The following CNTLN variants were observed in gnomAD, a reference collection of about 807,000 sequenced individuals.
CNTLN encodes the protein centlein, also known as centlein, centrosomal protein.
Under a neutral mutation model 180.0 loss-of-function variants are expected in CNTLN, and 212 were observed. That is an observed-to-expected ratio of 1.18 (90% CI 1.05 to 1.32). CNTLN has a LOEUF of 1.32. Among genes scored for constraint, CNTLN ranks in the 40% most tolerant of loss-of-function variants. The probability of loss-of-function intolerance (pLI) is 0.00; values close to 1 mark genes in which losing one functional copy is unlikely to be tolerated. For synonymous variants in CNTLN, 722 were observed against 563.1 expected, an observed-to-expected ratio of 1.28 and a Z score of -3.99; for missense variants, 2,095 against 1,610.9, an observed-to-expected ratio of 1.30 and a Z score of -5.14.
Position 17,466,787 on chromosome 9 carries a change from CA to C in CNTLN, c.3752del (p.Gln1251ArgfsTer5). 2 of 1,610,932 alleles carry C rather than the reference CA, an allele frequency of 1.2e-6. No homozygotes were observed. The highest frequency in any genetic ancestry group is 1.7e-6 in the Non-Finnish European group (2 of 1,177,882). On this transcript the variant is annotated frameshift_variant, in exon 23 of 26. Coordinates refer to ENST00000380647, the MANE Select transcript of CNTLN (RefSeq NM_017738.4). LOFTEE classifies it high-confidence loss of function. ...AGAAATTGAAACAGCAGCATCTAAG[CA>C]GCTTCAAGAATTAGCATTGCAAAGT... Reference protein sequence around the residue: ...MAEIETAASKQLQELALQSEQ... With the variant: ...MAEIETAASKXLQELALQSEQ...
At chr9:17,367,618 T>G (rs1583988) in intron 13 of CNTLN, among the ~76,000 whole-genome samples, 87,517 of 151,496 alleles carry the variant, frequency 0.58, 25,651 homozygotes, top group East Asian at 0.73. Context: ...AGAAGAAAGA[T>G]CAAATAGGTC....
chr9:17,391,206 C>T (rs1274557404), intron 14 of CNTLN, among the ~76,000 whole-genome samples: 1 of 152,152 alleles, frequency 6.6e-6, no homozygotes, highest in East Asian at 1.9e-4. Flanking sequence ...GGCCTGTCTG[C>T]TCAGATTCTT....
At chr9:17,464,708 A>G in intron 21 of CNTLN, 85 bp downstream of exon 21, 1 of 849,932 alleles carries the variant, frequency 1.2e-6, no homozygotes, top group Non-Finnish European at 1.8e-6. Flanking sequence ...ATCCTAATAA[A>G]TGTATAGAAA....
rs79065470 is a variant in CNTLN at position 17,371,537 on chromosome 9, C to T, written c.1987+4820C>T. ...ATGATAGCTGCAGGCTTTAGTATCC[C>T]ACTTTCAGCATTGGACAGATCTTCC... On this transcript the variant is annotated intron_variant, in intron 13 of 25. Coordinates refer to ENST00000380647, the MANE Select transcript of CNTLN (RefSeq NM_017738.4). Among the ~76,000 whole-genome samples the T allele has an allele frequency of 0.018, 2,736 of 152,184 alleles. 161 individuals are homozygous for T. The East Asian group carries it at 0.23, about 13-fold the overall frequency.
intron 13 of CNTLN, among the ~76,000 whole-genome samples, chr9:17,379,051 G>A (rs1018108894): frequency 7.2e-6 from 1 of 138,428 alleles, no homozygotes; most frequent in Non-Finnish European, 1.6e-5. Context: ...TACATTGACA[G>A]ATTTTTTTTT....
chr9:17,377,750 G>A (rs1166110626), intron 13 of CNTLN, among the ~76,000 whole-genome samples: 1 of 152,142 alleles, frequency 6.6e-6, no homozygotes, highest in East Asian at 1.9e-4. Context: ...ATCAGTGGTT[G>A]CTGTGAGGAT....
intron 2 of CNTLN, among the ~76,000 whole-genome samples, chr9:17,164,647 A>G (rs147481262): frequency 1.1e-4 from 17 of 150,868 alleles, no homozygotes; most frequent in African/African-American, 4.1e-4. Flanking sequence ...GGGTTTCACT[A>G]TGTTGGCCAG....
At chr9:17,322,685 A>G (rs1483093854) in intron 8 of CNTLN, among the ~76,000 whole-genome samples, 1 of 152,100 alleles carries the variant, frequency 6.6e-6, no homozygotes, top group Non-Finnish European at 1.5e-5. Context: ...TAGTGGATTA[A>G]TTAAACTGTA....
chr9:17,418,639 CTAATT>C (rs1049877004), intron 18 of CNTLN, among the ~76,000 whole-genome samples: 1 of 141,638 alleles, frequency 7.1e-6, no homozygotes, highest in African/African-American at 2.6e-5. Flanking sequence ...GGTAAATATT[CTAATT>C]TAATTATTTT....
chr9:17,271,197 T>C (rs1388065215), intron 5 of CNTLN, among the ~76,000 whole-genome samples: 1 of 152,060 alleles, frequency 6.6e-6, no homozygotes, highest in Non-Finnish European at 1.5e-5. Context: ...CACCTCAGCC[T>C]CCCAAAGTGC....
intron 12 of CNTLN, among the ~76,000 whole-genome samples, chr9:17,363,568 A>G (rs1823577475): frequency 6.6e-6 from 1 of 151,098 alleles, no homozygotes; most frequent in Non-Finnish European, 1.5e-5. Flanking sequence ...TCTTTAAATA[A>G]TTATTCTTGA....
At chr9:17,196,074 A>T (rs1822110109) in intron 2 of CNTLN, among the ~76,000 whole-genome samples, 1 of 152,010 alleles carries the variant, frequency 6.6e-6, no homozygotes, top group Non-Finnish European at 1.5e-5. Flanking sequence ...CCCAGGCTGG[A>T]GTGCAGTGGC....
At chr9:17,526,358 A>G in the CNTLN span, among the ~76,000 whole-genome samples, 1 of 152,256 alleles carries the variant, frequency 6.6e-6, no homozygotes. Flanking sequence ...GTAATTAAGT[A>G]AATTACTATA....
intron 2 of CNTLN, among the ~76,000 whole-genome samples, chr9:17,213,503 G>A (rs1442892427): frequency 3.3e-5 from 5 of 152,276 alleles, no homozygotes; most frequent in African/African-American, 9.6e-5. Context: ...GAATAAGTGC[G>A]ATGTGGTGCT....
At chr9:17,506,872 C>G (rs1247878805), downstream of CNTLN, among the ~76,000 whole-genome samples, 2 of 151,920 alleles carry the variant, frequency 1.3e-5, no homozygotes, top group Non-Finnish European at 2.9e-5. Context: ...ATTTTACATA[C>G]GTATGGGGTA....
At chr9:17,524,505 A>G in the CNTLN span, among the ~76,000 whole-genome samples, 4 of 152,218 alleles carry the variant, frequency 2.6e-5, no homozygotes, top group Non-Finnish European at 5.9e-5. Context: ...CAAATGTTCA[A>G]ATGTTAATCT....
At chr9:17,486,721 C>T (rs928914023) in intron 24 of CNTLN, among the ~76,000 whole-genome samples, 3 of 152,026 alleles carry the variant, frequency 2.0e-5, no homozygotes, top group South Asian at 2.1e-4. Context: ...CCCATATTAG[C>T]CCCTACTTTG....
chr9:17,139,101 A>G (rs1817911841), intron 1 of CNTLN, among the ~76,000 whole-genome samples: 1 of 151,876 alleles, frequency 6.6e-6, no homozygotes, highest in Non-Finnish European at 1.5e-5. Context: ...TTTATTTTTT[A>G]TTTTTAGATG....
At position 17,416,162 on chromosome 9, in the gene CNTLN, A is replaced by C. The variant is rs778907212; in HGVS notation, c.3087A>C (p.Arg1029=). 3.5e-5 allele frequency: 57 copies of C among 1,613,324 alleles called. No homozygotes were observed. Among genetic ancestry groups the C allele is most frequent in the Non-Finnish European group, 4.8e-5 (57 of 1,179,652 alleles). The change falls in exon 18 of 26, where the codon CGA becomes CGC. Residue 1029 remains arginine, a synonymous_variant. Coordinates refer to ENST00000380647, the MANE Select transcript of CNTLN (RefSeq NM_017738.4). ...LLHQQQVSDQ[R]FQTSRQTIKK... ...ATCAACAGCAAGTATCCGATCAACGATTTCAGACAAGCAGGCAGACAATAA... is the reference window on the plus strand; with the variant it reads ...ATCAACAGCAAGTATCCGATCAACGCTTTCAGACAAGCAGGCAGACAATAA...
Sources: gnomAD v4.1 joint callset for allele counts (sites outside exome capture counted in the v4.1 genomes callset) on GRCh38, gnomAD v4.1.1 for gene constraint, MANE v1.5 for transcripts, NCBI Gene and HGNC (gene_info 2026-07-23, HGNC 2026-07-21) for gene names.